Variants in BAIAP2 observed in about 807,000 individuals in gnomAD.
The protein encoded by BAIAP2 is BAR/IMD domain-containing adapter protein 2.
A neutral mutation model predicts 63.0 loss-of-function variants in BAIAP2; 18 were observed. That is an observed-to-expected ratio of 0.29 (90% confidence interval 0.20 to 0.42). The LOEUF (loss-of-function observed/expected upper bound fraction) is 0.42, where lower values mean the gene tolerates loss of function less well. Among genes scored for constraint, BAIAP2 ranks in the 10% least tolerant of loss-of-function variants. BAIAP2 has a pLI of 1.00. For synonymous variants in BAIAP2, 386 were observed against 307.6 expected (o/e 1.25, Z -2.67); for missense variants, 610 against 734.3 (o/e 0.83, Z 1.96).
intron 4 of BAIAP2, chr17:81,085,163 G>A: frequency 1.8e-6 from 1 of 554,240 alleles, no homozygotes; most frequent in Non-Finnish European, 3.3e-6. Flanking sequence ...CGCAGCCCCA[G>A]CCAGACCCCA....
chr17:81,065,267 G>A (rs937614013), intron 3 of BAIAP2, among the ~76,000 whole-genome samples: 2 of 152,324 alleles, frequency 1.3e-5, no homozygotes, highest in Admixed American at 6.5e-5. Flanking sequence ...GAGGGAGGGC[G>A]GGCCCAGCCT....
intron 8 of BAIAP2, 54 bp from the exon 9 acceptor site, chr17:81,103,853 G>A: frequency 6.2e-7 from 1 of 1,605,170 alleles, no homozygotes; most frequent in Non-Finnish European, 8.5e-7. Context: ...CTTTCCCCCT[G>A]GTCTTGCCCG....
chr17:81,109,835 C>T (rs897515509), intron 13 of BAIAP2: 28 of 985,272 alleles, frequency 2.8e-5, no homozygotes, highest in Non-Finnish European at 3.3e-5. Context: ...CTTTGACCAG[C>T]CTTGTGAGGG....
At position 81,104,650 on chromosome 17, in the gene BAIAP2, C is replaced by G. The variant is rs1357583981; in HGVS notation, c.1203C>G (p.Leu401=). The change falls in exon 10 of 14, where the codon CTC becomes CTG. Residue 401 remains leucine, a synonymous_variant. Coordinates refer to ENST00000428708, the MANE Select transcript of BAIAP2 (RefSeq NM_001144888.2). ...TCCTGAGCTTCAAGGAGGGTGACCT[C>G]ATTACCCTGCTGGTGCCTGAGGCCC... ...STLLSFKEGD[L]ITLLVPEARD... 1 of 1,609,314 alleles carries G rather than the reference C, an allele frequency of 6.2e-7. No individual in the cohort carries two copies. Among genetic ancestry groups the G allele is most frequent in the African/African-American group, 1.3e-5 (1 of 74,932 alleles).
chr17:81,075,521 C>T (rs576227368), intron 3 of BAIAP2, among the ~76,000 whole-genome samples: 48 of 151,542 alleles, frequency 3.2e-4, no homozygotes, highest in African/African-American at 1.1e-3. Flanking sequence ...GCAGTTAATC[C>T]TTCTCGTTCA....
chr17:81,099,637 C>T (rs975302081), intron 6 of BAIAP2, among the ~76,000 whole-genome samples: 1 of 152,126 alleles, frequency 6.6e-6, no homozygotes, highest in Admixed American at 6.5e-5. Flanking sequence ...GAGGCTGGCC[C>T]CCTGCCAGAG....
chr17:81,103,393 G>A (rs1008483164), intron 7 of BAIAP2, 109 bp from the exon 8 acceptor site: 3 of 1,064,694 alleles, frequency 2.8e-6, no homozygotes, highest in South Asian at 1.4e-5. Context: ...ACCTGGTGAA[G>A]AGCAGCCTCC....
intron 3 of BAIAP2, among the ~76,000 whole-genome samples, chr17:81,064,507 G>A (rs930848346): frequency 6.6e-6 from 1 of 152,266 alleles, no homozygotes; most frequent in African/African-American, 2.4e-5. Context: ...CTCCAAGTGA[G>A]CCCCAGGTCT....
At position 81,054,693 on chromosome 17, in the gene BAIAP2, G is replaced by A. The variant is rs866366632; in HGVS notation, c.130+950G>A. 2.0e-5 allele frequency among the ~76,000 whole-genome samples: 3 copies of A among 152,300 alleles called. No homozygotes were observed. The Middle Eastern group carries it at 0.01, about 518-fold the overall frequency. On this transcript the variant is annotated intron_variant, in intron 2 of 13. Transcript: ENST00000428708. ...GCAGCTCCTTCTCACAAAGAGCCGG[G>A]ACAGAGGGTGTGGGGGACTGGTGGC...
At chr17:81,067,614 C>G (rs1008683820) in intron 3 of BAIAP2, among the ~76,000 whole-genome samples, 1 of 152,216 alleles carries the variant, frequency 6.6e-6, no homozygotes, top group Non-Finnish European at 1.5e-5. Context: ...TGCTGGTGAT[C>G]AGTAGCTCCG....
intron 11 of BAIAP2, 68 bp downstream of exon 11, chr17:81,106,214 C>T (rs987483692): frequency 1.3e-6 from 2 of 1,487,924 alleles, no homozygotes; most frequent in South Asian, 2.4e-5. Context: ...GACACCAGGT[C>T]CCTGGGCTTG....
chr17:81,103,367 C>T (rs1430856309), intron 7 of BAIAP2, 135 bp from the exon 8 acceptor site: 8 of 840,538 alleles, frequency 9.5e-6, no homozygotes, highest in Non-Finnish European at 1.5e-5. Context: ...GGTGGCCTGT[C>T]TCGCCGAGAG....
chr17:81,107,354 A>T (rs1158542701), intron 12 of BAIAP2: 1 of 162,806 alleles, frequency 6.1e-6, no homozygotes, highest in Non-Finnish European at 1.3e-5. Context: ...CAGCCCTGGC[A>T]TGTGGCTGGA....
chr17:81,088,480 C>T (rs2056113772), intron 6 of BAIAP2, among the ~76,000 whole-genome samples: 1 of 152,224 alleles, frequency 6.6e-6, no homozygotes, highest in Non-Finnish European at 1.5e-5. Flanking sequence ...ATCACTCAGT[C>T]CGTTTTAGAG....
chr17:81,055,078 G>A (rs1167136547), intron 2 of BAIAP2, among the ~76,000 whole-genome samples: 3 of 152,180 alleles, frequency 2.0e-5, no homozygotes, highest in Non-Finnish European at 2.9e-5. Flanking sequence ...CGGCGCCCCC[G>A]GCTCCTCCAC....
intron 9 of BAIAP2, 45 bp downstream of exon 9, chr17:81,104,153 C>T (rs2058838385): frequency 4.4e-6 from 7 of 1,596,858 alleles, no homozygotes; most frequent in Non-Finnish European, 6.0e-6. Context: ...CTGGACGTGC[C>T]TCCTCAGACC....
At chr17:81,036,924 C>G (rs1202700439) in intron 1 of BAIAP2, 2 of 1,535,918 alleles carry the variant, frequency 1.3e-6, no homozygotes, top group Admixed American at 2.0e-5. Flanking sequence ...GCGCTGAAAC[C>G]AGAAAGCAGG....
Position 81,089,996 on chromosome 17 carries a change from G to A in BAIAP2, c.489+3416G>A, listed in dbSNP as rs1257614297. On this transcript the variant is annotated intron_variant, in intron 6 of 13. Transcript: ENST00000428708. ...GTGTGGTGCTGGTCTTTCTTCCCAG[G>A]TCCCAGGGGCCCTGCTGTGGCTCCC... is the stretch of plus-strand genomic sequence containing the variant. Among the ~76,000 whole-genome samples the A allele has an allele frequency of 2.0e-5, 3 of 152,270 alleles. No homozygotes were observed. In the East Asian group the frequency reaches 5.8e-4, roughly 29 times the overall value.
rs1243596869 is a variant in BAIAP2, at chr17:81,107,158, G to A, written c.1500+251G>A. 21 of 502,884 alleles carry A rather than the reference G, an allele frequency of 4.2e-5. No homozygotes were observed. The East Asian group carries it at 7.1e-4, about 17-fold the overall frequency. The allele number at this position is 502,884 out of a possible 1,614,324, so 31.2% of individuals were successfully genotyped here. On this transcript the variant is annotated intron_variant, in intron 12 of 13. Coordinates refer to ENST00000428708, the MANE Select transcript of BAIAP2 (RefSeq NM_001144888.2). ...CTGGGGTCAGCCTGTCCCTCATGGTGCCCTCAGCCAGCCACGGGCAACTCA... is the reference window on the plus strand; with the variant it reads ...CTGGGGTCAGCCTGTCCCTCATGGTACCCTCAGCCAGCCACGGGCAACTCA...
Sources: allele counts gnomAD v4.1 joint callset (sites outside exome capture counted in the v4.1 genomes callset), GRCh38; gene constraint gnomAD v4.1.1; transcripts MANE v1.5; gene names NCBI Gene and HGNC (gene_info 2026-07-23, HGNC 2026-07-21).